Variants in CAST observed in about 807,000 individuals in gnomAD.
The protein encoded by CAST is calpastatin, also known as MIR583 host.
A neutral mutation model predicts 119.6 loss-of-function variants in CAST; 76 were observed. The ratio of observed to expected loss-of-function variants is 0.64; its 90% CI spans 0.53 to 0.77. The LOEUF (loss-of-function observed/expected upper bound fraction) is 0.77. CAST is among the 30% of genes least tolerant of loss of function. The probability of loss-of-function intolerance (pLI) is 0.00; values close to 1 mark genes in which losing one functional copy is unlikely to be tolerated. For synonymous variants in CAST, 319 were observed against 331.6 expected (o/e 0.96, Z 0.41); for missense variants, 953 against 946.5 (o/e 1.01, Z -0.09).
At chr5:96,284,937 A>G in the CAST span, among the ~76,000 whole-genome samples, 1 of 152,230 alleles carries the variant, frequency 6.6e-6, no homozygotes, top group East Asian at 1.9e-4. Context: ...GTTCCTCTGT[A>G]CAAGTCAGCA....
chr5:96,089,755 A>T, the CAST span, among the ~76,000 whole-genome samples: 93,536 of 152,084 alleles, frequency 0.62, 28,995 homozygotes, highest in South Asian at 0.68. Flanking sequence ...ATTGAAGGAG[A>T]CTTACTTTTC....
chr5:95,972,323 AT>A, the CAST span, among the ~76,000 whole-genome samples: 1 of 151,970 alleles, frequency 6.6e-6, no homozygotes, highest in Non-Finnish European at 1.5e-5. Context: ...CTGCCCAACT[AT>A]TGCTCATAGT....
the CAST span, among the ~76,000 whole-genome samples, chr5:96,404,422 T>C: frequency 2.0e-5 from 3 of 152,218 alleles, no homozygotes; most frequent in African/African-American, 7.2e-5. Flanking sequence ...TATATGCTGG[T>C]ACTTGAGAAA....
the CAST span, chr5:96,432,998 G>C: frequency 1.9e-6 from 3 of 1,614,244 alleles, no homozygotes; most frequent in Non-Finnish European, 8.5e-7. Flanking sequence ...AAGCGCAAAA[G>C]AGGACGAAAG....
At chr5:95,977,668 AGTTCAGGG>A in the CAST span, among the ~76,000 whole-genome samples, 1 of 151,968 alleles carries the variant, frequency 6.6e-6, no homozygotes, top group Admixed American at 6.6e-5. Flanking sequence ...CTTTTTTTTA[AGTTCAGGG>A]GTACATGTGC....
At chr5:96,762,424 A>G (rs1437236371) in intron 25 of CAST, 52 bp downstream of exon 25, 3 of 1,343,450 alleles carry the variant, frequency 2.2e-6, no homozygotes, top group East Asian at 2.4e-5. Context: ...AGCCACAACT[A>G]GAAAGAAAAT....
the CAST span, among the ~76,000 whole-genome samples, chr5:95,986,999 A>C: frequency 6.6e-6 from 1 of 152,224 alleles, no homozygotes; most frequent in Non-Finnish European, 1.5e-5. Context: ...TGGACAGCTG[A>C]GTGTTCCCAC....
At chr5:96,410,928 C>T in the CAST span, 1 of 1,614,024 alleles carries the variant, frequency 6.2e-7, no homozygotes, top group Non-Finnish European at 8.5e-7. Flanking sequence ...ACAATTATCT[C>T]CCTGACGCCC....
At chr5:96,488,312 A>G in the CAST span, among the ~76,000 whole-genome samples, 11 of 152,198 alleles carry the variant, frequency 7.2e-5, no homozygotes, top group African/African-American at 2.4e-5. Flanking sequence ...TTCCTGCATG[A>G]TAAAAAGTCA....
At chr5:96,316,647 C>CGTGA in the CAST span, among the ~76,000 whole-genome samples, 1 of 152,066 alleles carries the variant, frequency 6.6e-6, no homozygotes, top group East Asian at 1.9e-4. Context: ...AGAGGGGAAC[C>CGTGA]GTGAGAGAAT....
intron 1 of CAST, among the ~76,000 whole-genome samples, chr5:96,587,954 C>A (rs994217282): frequency 6.6e-6 from 1 of 152,082 alleles, no homozygotes; most frequent in Non-Finnish European, 1.5e-5. Flanking sequence ...TATACTAGTG[C>A]CAGCTCGCTG....
the CAST span, among the ~76,000 whole-genome samples, chr5:96,217,332 C>T: frequency 1.1e-4 from 16 of 150,314 alleles, no homozygotes; most frequent in Non-Finnish European, 1.8e-4. Context: ...TCAGCCACTG[C>T]GAGTGGCCAA....
At position 96,748,442 on chromosome 5, in the gene CAST, A is replaced by G. The variant is rs1764246651; in HGVS notation, c.1333-76A>G. 4.6e-6 allele frequency: 3 copies of G among 655,608 alleles called. No homozygotes were observed. In the African/African-American group the frequency reaches 5.6e-5, roughly 12 times the overall value. 40.6% of individuals were successfully genotyped at this position (655,608 alleles called of 1,614,324 possible). On this transcript the variant is annotated intron_variant, in intron 18 of 31. Coordinates refer to ENST00000675179, the MANE Select transcript of CAST (RefSeq NM_001750.7). ...CTCATATGTGTTAATCAGGAAAAAA[A>G]TTGCTCCATGAAAACTTTTTTTTTA...
At chr5:96,526,482 ATCTCC>A (rs1438977348), upstream of CAST, among the ~76,000 whole-genome samples, 1 of 152,160 alleles carries the variant, frequency 6.6e-6, no homozygotes, top group Admixed American at 6.5e-5. Context: ...ATAAATATAA[ATCTCC>A]TCTACCAAAG....
At chr5:96,042,326 G>A in the CAST span, among the ~76,000 whole-genome samples, 1 of 151,902 alleles carries the variant, frequency 6.6e-6, no homozygotes, top group Non-Finnish European at 1.5e-5. Context: ...TTTTTTTCTT[G>A]GTCTCTTGCA....
At chr5:96,347,460 C>T in the CAST span, among the ~76,000 whole-genome samples, 1 of 152,180 alleles carries the variant, frequency 6.6e-6, no homozygotes, top group African/African-American at 2.4e-5. Flanking sequence ...AAAGCTGGGA[C>T]CTCTGTCATG....
chr5:96,496,470 G>C, the CAST span, among the ~76,000 whole-genome samples: 93 of 152,346 alleles, frequency 6.1e-4, 1 homozygote, highest in South Asian at 2.7e-3. Context: ...GACATTAACA[G>C]TTCCTGAAGT....
chr5:96,235,140 C>G, the CAST span, among the ~76,000 whole-genome samples: 1 of 152,288 alleles, frequency 6.6e-6, no homozygotes, highest in East Asian at 1.9e-4. Context: ...CCTGGTTCAT[C>G]TTGGTGGACC....
the CAST span, among the ~76,000 whole-genome samples, chr5:95,963,658 T>C: frequency 2.6e-4 from 40 of 152,134 alleles, no homozygotes; most frequent in Non-Finnish European, 5.0e-4. Context: ...CTTATTCAAA[T>C]AGTTCATCTC....
Sources: gnomAD v4.1 joint callset for allele counts (sites outside exome capture counted in the v4.1 genomes callset) on GRCh38, gnomAD v4.1.1 for gene constraint, MANE v1.5 for transcripts, NCBI Gene and HGNC (gene_info 2026-07-23, HGNC 2026-07-21) for gene names.